RGL1: variants seen among roughly 807,000 people sequenced by gnomAD.
RGL1 encodes ral guanine nucleotide dissociation stimulator-like 1.
A neutral mutation model predicts 95.2 loss-of-function variants in RGL1; 24 were observed. That is an observed-to-expected ratio of 0.25 (90% CI 0.18 to 0.35). The LOEUF (loss-of-function observed/expected upper bound fraction) is 0.35, where lower values mean the gene tolerates loss of function less well. RGL1 is among the 10% of genes least tolerant of loss of function. The pLI, the probability that RGL1 is intolerant of heterozygous loss-of-function variation, is 1.00. For missense variants in RGL1, 715 were observed against 936.3 expected, an observed-to-expected ratio of 0.76 and a Z score of 3.08; for synonymous variants, 329 against 344.9, an observed-to-expected ratio of 0.95 and a Z score of 0.51.
At chr1:183,749,725 T>C (rs528548111) in intron 2 of RGL1, among the ~76,000 whole-genome samples, 1 of 152,344 alleles carries the variant, frequency 6.6e-6, no homozygotes, top group South Asian at 2.1e-4. Flanking sequence ...TATTTACTGC[T>C]TCCTTCAGGA....
intron 1 of RGL1, among the ~76,000 whole-genome samples, chr1:183,716,353 A>G (rs977776708): frequency 2.6e-5 from 4 of 152,232 alleles, no homozygotes; most frequent in African/African-American, 9.6e-5. Context: ...TGGCTTAATC[A>G]TAAAAGAAGT....
At chr1:183,854,294 C>A (rs1572507057) in intron 3 of RGL1, among the ~76,000 whole-genome samples, 2 of 152,136 alleles carry the variant, frequency 1.3e-5, no homozygotes, top group East Asian at 3.8e-4. Context: ...TGGAGTGTTT[C>A]TGTGTACTGA....
At chr1:183,833,165 T>G (rs1255127128) in intron 2 of RGL1, among the ~76,000 whole-genome samples, 3 of 152,216 alleles carry the variant, frequency 2.0e-5, no homozygotes, top group African/African-American at 7.2e-5. Context: ...CAGCTCAAAG[T>G]GTATCCTGTG....
At chr1:183,915,383 A>G (rs1668898534) in intron 15 of RGL1, among the ~76,000 whole-genome samples, 1 of 152,258 alleles carries the variant, frequency 6.6e-6, no homozygotes, top group South Asian at 2.1e-4. Flanking sequence ...GGTTCAATTT[A>G]ATGATTTTTA....
At chr1:183,864,160 C>G (rs1665685616) in intron 3 of RGL1, among the ~76,000 whole-genome samples, 1 of 152,118 alleles carries the variant, frequency 6.6e-6, no homozygotes, top group Non-Finnish European at 1.5e-5. Flanking sequence ...GTACAAACCA[C>G]TTTGAAAAAA....
intron 1 of RGL1, among the ~76,000 whole-genome samples, chr1:183,734,104 A>G (rs1322028958): frequency 6.6e-6 from 1 of 152,252 alleles, no homozygotes; most frequent in African/African-American, 2.4e-5. Context: ...TGGAAGGGCT[A>G]GTCGATTCGG....
At chr1:183,730,626 G>C (rs768047003) in intron 1 of RGL1, among the ~76,000 whole-genome samples, 21 of 152,152 alleles carry the variant, frequency 1.4e-4, no homozygotes, top group Non-Finnish European at 2.5e-4. Context: ...GGCTAGTGTT[G>C]CCAGATTTTA....
intron 15 of RGL1, among the ~76,000 whole-genome samples, chr1:183,915,982 C>T (rs748176150): frequency 1.3e-5 from 2 of 152,158 alleles, no homozygotes; most frequent in Non-Finnish European, 2.9e-5. Context: ...AATGCAGAGC[C>T]GTATAATCTG....
In RGL1 at chr1:183,681,890, T is replaced by A. The variant is rs141851691; in HGVS notation, c.-33+45389T>A. On this transcript the variant is annotated intron_variant, in intron 1 of 18. Coordinates refer to the RGL1 transcript ENST00000304685. ...TCTACTCAGGGATTCGACTTCTTCC[T>A]GGTTTAGTCTTGGGAGGGTGTATGT... is the stretch of plus-strand genomic sequence containing the variant. Among the ~76,000 whole-genome samples, 1,067 of 152,338 alleles carry A rather than the reference T, an allele frequency of 7.0e-3. 13 individuals carry two copies. Among genetic ancestry groups the A allele is most frequent in the African/African-American group, 0.024 (1,016 of 41,564 alleles).
chr1:183,862,558 T>C (rs1241063748), intron 3 of RGL1, among the ~76,000 whole-genome samples: 2 of 152,236 alleles, frequency 1.3e-5, no homozygotes, highest in Non-Finnish European at 2.9e-5. Flanking sequence ...ATCTTAAAAC[T>C]TTTTTTCTTT....
At chr1:183,669,819 T>A (rs947416696) in intron 1 of RGL1, among the ~76,000 whole-genome samples, 1 of 152,064 alleles carries the variant, frequency 6.6e-6, no homozygotes, top group African/African-American at 2.4e-5. Context: ...CAAAGGCACA[T>A]CTTACATGGC....
At chr1:183,839,134 C>T (rs1259626570) in intron 2 of RGL1, among the ~76,000 whole-genome samples, 1 of 152,216 alleles carries the variant, frequency 6.6e-6, no homozygotes, top group Non-Finnish European at 1.5e-5. Context: ...CATCTTTACT[C>T]TTGGAACCAG....
At chr1:183,766,210 G>T (rs1461406966) in intron 2 of RGL1, among the ~76,000 whole-genome samples, 1 of 152,118 alleles carries the variant, frequency 6.6e-6, no homozygotes, top group Non-Finnish European at 1.5e-5. Context: ...TTCGAGACCA[G>T]CCTGGCTAAC....
intron 1 of RGL1, among the ~76,000 whole-genome samples, chr1:183,661,242 C>T (rs1259334273): frequency 6.6e-6 from 1 of 152,110 alleles, no homozygotes; most frequent in Non-Finnish European, 1.5e-5. Context: ...ACACAAAAAA[C>T]CCTTCAAAAA....
intron 2 of RGL1, among the ~76,000 whole-genome samples, chr1:183,772,185 C>T: frequency 6.6e-6 from 1 of 152,208 alleles, no homozygotes; most frequent in Non-Finnish European, 1.5e-5. Flanking sequence ...ATACAGAAAG[C>T]CGTCTGTTCT....
chr1:183,667,496 T>C (rs574770725), intron 1 of RGL1, among the ~76,000 whole-genome samples: 1 of 152,128 alleles, frequency 6.6e-6, no homozygotes, highest in Admixed American at 6.6e-5. Context: ...GGCTAATTTT[T>C]TGTATTTTTA....
chr1:183,667,075 A>G (rs1236062270), intron 1 of RGL1, among the ~76,000 whole-genome samples: 11 of 152,130 alleles, frequency 7.2e-5, no homozygotes, highest in Admixed American at 5.9e-4. Flanking sequence ...TGGAGTATTG[A>G]TCCCTTAACC....
chr1:183,687,611 G>C (rs2102100241), intron 1 of RGL1, among the ~76,000 whole-genome samples: 2 of 152,250 alleles, frequency 1.3e-5, no homozygotes, highest in South Asian at 4.1e-4. Flanking sequence ...TGCTTTCTCA[G>C]AGAAGCAAGG....
chr1:183,786,872 A>T (rs1660204444), intron 2 of RGL1, among the ~76,000 whole-genome samples: 1 of 152,216 alleles, frequency 6.6e-6, no homozygotes, highest in African/African-American at 2.4e-5. Flanking sequence ...TTTGGGGCTC[A>T]TTGTGAGTAT....
Sources: allele counts gnomAD v4.1 joint callset (sites outside exome capture counted in the v4.1 genomes callset), GRCh38; gene constraint gnomAD v4.1.1; transcripts MANE v1.5; gene names NCBI Gene and HGNC (gene_info 2026-07-23, HGNC 2026-07-21).